The following KIF6 variants were observed in gnomAD, a reference collection of about 807,000 sequenced individuals.
KIF6 encodes the protein kinesin family member 6, also known as kinesin-like protein KIF6.
KIF6 carries 106 observed loss-of-function variants against 112.7 expected under a neutral mutation model. The ratio of observed to expected loss-of-function variants is 0.94; its 90% confidence interval spans 0.80 to 1.11. The LOEUF (loss-of-function observed/expected upper bound fraction) is 1.11, where lower values mean the gene tolerates loss of function less well. KIF6 is among the 50% of genes least tolerant of loss of function. The probability of loss-of-function intolerance (pLI) is 0.00; values close to 1 mark genes in which losing one functional copy is unlikely to be tolerated. For synonymous variants in KIF6, 339 were observed against 339.9 expected, an observed-to-expected ratio of 1.00 and a Z score of 0.03; for missense variants, 929 against 964.0, an observed-to-expected ratio of 0.96 and a Z score of 0.48.
At chr6:39,597,762 T>C (rs1411380494) in intron 6 of KIF6, among the ~76,000 whole-genome samples, 1 of 152,170 alleles carries the variant, frequency 6.6e-6, no homozygotes, top group African/African-American at 2.4e-5. Context: ...TTTAAAATAT[T>C]TGACCAAGAT....
chr6:39,534,774 G>A (rs557128682), intron 13 of KIF6, among the ~76,000 whole-genome samples: 1 of 152,308 alleles, frequency 6.6e-6, no homozygotes, highest in Non-Finnish European at 1.5e-5. Context: ...ATTCACCAAA[G>A]TTGAAATGAA....
chr6:39,345,826 G>T (rs759031192), intron 20 of KIF6, 37 bp from the exon 21 acceptor site: 2 of 1,490,528 alleles, frequency 1.3e-6, no homozygotes, highest in Non-Finnish European at 1.8e-6. Flanking sequence ...AAAGGAATGG[G>T]GGCAAATTTA....
intron 16 of KIF6, among the ~76,000 whole-genome samples, chr6:39,367,319 G>T (rs576953066): frequency 8.5e-5 from 13 of 152,266 alleles, no homozygotes; most frequent in Admixed American, 5.2e-4. Flanking sequence ...TCCCCACGGG[G>T]ACTCTGGCCA....
chr6:39,474,743 G>T (rs139140342), intron 13 of KIF6, among the ~76,000 whole-genome samples: 2 of 152,218 alleles, frequency 1.3e-5, no homozygotes, highest in Non-Finnish European at 2.9e-5. Flanking sequence ...GTGTGGTAAC[G>T]CTGTGATTTG....
At chr6:39,656,110 T>C (rs142260934) in intron 3 of KIF6, among the ~76,000 whole-genome samples, 2 of 152,304 alleles carry the variant, frequency 1.3e-5, no homozygotes, top group African/African-American at 4.8e-5. Flanking sequence ...TTTAAAATGT[T>C]TGACACTCAT....
chr6:39,497,027 C>T, intron 13 of KIF6, among the ~76,000 whole-genome samples: 1 of 152,250 alleles, frequency 6.6e-6, no homozygotes, highest in East Asian at 1.9e-4. Flanking sequence ...CCCGCCTTTG[C>T]AGGCAGGCTT....
rs1373032710 is a variant in KIF6 at position 39,342,311 on chromosome 6, T to C, written c.2428+1398A>G. 1.3e-5 allele frequency among the ~76,000 whole-genome samples: 2 copies of C among 152,260 alleles called. No individual in the cohort carries two copies. Among genetic ancestry groups the C allele is most frequent in the Non-Finnish European group, 2.9e-5 (2 of 68,050 alleles). On this transcript the variant is annotated intron_variant, in intron 22 of 22. Transcript: ENST00000287152. This position sits in a 1 kb window ranked among gnomAD's most constrained non-coding sequence, Gnocchi z 4.7. ...TTACTGTCTACAACATTACATAGTT[T>C]AGCTATTTCATAGCACTTATTATCC...
intron 10 of KIF6, among the ~76,000 whole-genome samples, chr6:39,568,815 T>C (rs1780474477): frequency 6.6e-6 from 1 of 152,156 alleles, no homozygotes; most frequent in Non-Finnish European, 1.5e-5. Flanking sequence ...CCTCCCAAAG[T>C]GCTGGGATTA....
intron 6 of KIF6, among the ~76,000 whole-genome samples, chr6:39,609,802 G>A (rs1427497982): frequency 1.3e-5 from 2 of 152,106 alleles, no homozygotes; most frequent in African/African-American, 4.8e-5. Context: ...TAAGGGTAAA[G>A]CCCAGACTGC....
At chr6:39,357,514 T>A in intron 18 of KIF6, 140 bp from the exon 19 acceptor site, 1 of 549,868 alleles carries the variant, frequency 1.8e-6, no homozygotes. Flanking sequence ...AGTGGCGCGA[T>A]CTCAGCTCAC....
At chr6:39,696,849 A>C (rs1308875076) in intron 3 of KIF6, among the ~76,000 whole-genome samples, 1 of 151,876 alleles carries the variant, frequency 6.6e-6, no homozygotes, top group Non-Finnish European at 1.5e-5. Context: ...CATACATGTT[A>C]GCTCTTTTTT....
At chr6:39,517,796 T>C (rs1016748701) in intron 13 of KIF6, among the ~76,000 whole-genome samples, 1 of 152,230 alleles carries the variant, frequency 6.6e-6, no homozygotes, top group East Asian at 1.9e-4. Context: ...ATAATCAGTT[T>C]AACAGACCTT....
At chr6:39,348,239 G>A (rs1215841635) in intron 19 of KIF6, among the ~76,000 whole-genome samples, 1 of 152,212 alleles carries the variant, frequency 6.6e-6, no homozygotes, top group East Asian at 1.9e-4. Context: ...GCTTCCCAGT[G>A]GAGCCTTGGC....
At chr6:39,686,744 T>C (rs1039209423) in intron 3 of KIF6, among the ~76,000 whole-genome samples, 1 of 152,192 alleles carries the variant, frequency 6.6e-6, no homozygotes, top group African/African-American at 2.4e-5. Flanking sequence ...ACCCAAAGCA[T>C]AAACAACCAC....
At chr6:39,489,364 C>T (rs1775322438) in intron 13 of KIF6, among the ~76,000 whole-genome samples, 1 of 152,038 alleles carries the variant, frequency 6.6e-6, no homozygotes, top group African/African-American at 2.4e-5. Context: ...CTGGTCATCG[C>T]AATAGACTTT....
intron 15 of KIF6, among the ~76,000 whole-genome samples, chr6:39,417,561 CAG>C (rs2150361154): frequency 6.6e-6 from 1 of 152,298 alleles, no homozygotes; most frequent in Admixed American, 6.5e-5. Context: ...CTTCTCTGGG[CAG>C]ATCAAATGAC....
intron 10 of KIF6, among the ~76,000 whole-genome samples, chr6:39,571,994 C>T (rs1038117955): frequency 2.6e-5 from 4 of 151,786 alleles, no homozygotes; most frequent in African/African-American, 9.7e-5. Context: ...CAGTGACTTC[C>T]CTCATTTCTG....
chr6:39,336,599 CT>C, intron 22 of KIF6, 51 bp from the exon 23 acceptor site: 1 of 1,590,096 alleles, frequency 6.3e-7, no homozygotes, highest in Non-Finnish European at 8.6e-7. Flanking sequence ...CAGACACTGA[CT>C]TTTCCCAGGA....
chr6:39,398,850 C>G (rs1581765310), intron 15 of KIF6, among the ~76,000 whole-genome samples: 1 of 152,218 alleles, frequency 6.6e-6, no homozygotes, highest in Non-Finnish European at 1.5e-5. Context: ...GTATAGGCTA[C>G]AGTGCTCAGA....
Sources: gnomAD v4.1 joint callset for allele counts (sites outside exome capture counted in the v4.1 genomes callset) on GRCh38, gnomAD v4.1.1 for gene constraint, Gnocchi (gnomAD v3.1) non-coding constraint, MANE v1.5 for transcripts, NCBI Gene and HGNC (gene_info 2026-07-23, HGNC 2026-07-21) for gene names.